Variants in CDH23 observed in about 807,000 individuals in gnomAD.
The protein encoded by CDH23 is cadherin-23.
In CDH23, 189 loss-of-function variants were observed where a neutral mutation model predicts 317.1. The observed-to-expected ratio is 0.60, with a 90% CI of 0.53 to 0.67. The LOEUF (loss-of-function observed/expected upper bound fraction) is 0.67, where lower values mean the gene tolerates loss of function less well. Among genes scored for constraint, CDH23 ranks in the 30% least tolerant of loss-of-function variants. CDH23 has a pLI of 0.00. For missense variants in CDH23, 4,401 were observed against 4,592.4 expected (o/e 0.96, Z 1.20); for synonymous variants, 1,839 against 1,876.8 (o/e 0.98, Z 0.52).
At chr10:71,718,406 C>A (rs564130754) in intron 28 of CDH23, among the ~76,000 whole-genome samples, 3 of 149,702 alleles carry the variant, frequency 2.0e-5, no homozygotes, top group South Asian at 2.2e-4. Context: ...CAGAAAACGA[C>A]CCCTCCCAGT....
chr10:71,811,477 A>G, intron 63 of CDH23, 34 bp from the exon 64 acceptor site: 1 of 1,613,698 alleles, frequency 6.2e-7, no homozygotes, highest in Non-Finnish European at 8.5e-7. Flanking sequence ...CGCCCTCCCC[A>G]CTGCCCGGGC....
At chr10:71,711,104 G>A (rs1373375828) in intron 27 of CDH23, among the ~76,000 whole-genome samples, 2 of 151,972 alleles carry the variant, frequency 1.3e-5, no homozygotes, top group Non-Finnish European at 2.9e-5. Flanking sequence ...AGATGCCTCT[G>A]CCCTCTGCCC....
intron 9 of CDH23, among the ~76,000 whole-genome samples, chr10:71,610,524 A>G (rs981525894): frequency 6.6e-6 from 1 of 152,236 alleles, no homozygotes; most frequent in Admixed American, 6.5e-5. Context: ...TAGGCAAGTT[A>G]TTGAGCATCT....
At chr10:71,760,939 A>G in intron 38 of CDH23, 1 of 1,613,632 alleles carries the variant, frequency 6.2e-7, no homozygotes. Flanking sequence ...GGGAACAAAC[A>G]GAAGGGCCAT....
intron 14 of CDH23, among the ~76,000 whole-genome samples, chr10:71,654,621 A>G (rs1863334652): frequency 6.6e-6 from 1 of 152,196 alleles, no homozygotes; most frequent in African/African-American, 2.4e-5. Context: ...GTCTGGAAAC[A>G]GAGGGCCCGG....
Position 71,787,507 on chromosome 10 carries a change from TAATA to T in CDH23, c.5821-1427_5821-1424del, listed in dbSNP as rs540900233. On this transcript the variant is annotated intron_variant, in intron 44 of 69. Coordinates refer to ENST00000224721, the MANE Select transcript of CDH23 (RefSeq NM_022124.6). ...CTCACTGAACAGTGAACATTGTACC[TAATA>T]AATAATTTTTCAACCCTCACCCTCT... Among the ~76,000 whole-genome samples, 16 of 151,624 alleles carry T rather than the reference TAATA, an allele frequency of 1.1e-4. No homozygotes were observed. The East Asian group carries it at 2.7e-3, about 26-fold the overall frequency.
chr10:71,806,036 C>A, intron 56 of CDH23, 39 bp downstream of exon 56: 3 of 642,670 alleles, frequency 4.7e-6, no homozygotes, highest in Non-Finnish European at 7.3e-6. Flanking sequence ...GGGTCTGGGG[C>A]GGGGCTTTCT....
chr10:71,689,038 GTGGTGGAGCCAGGGA>G (rs1564733886), intron 19 of CDH23, among the ~76,000 whole-genome samples: 14 of 66,470 alleles, frequency 2.1e-4, no homozygotes, highest in East Asian at 5.2e-4. Context: ...GGAGTCAGGG[GTGGTGGAGCCAGGGA>G]TGGTGGAGCC....
intron 45 of CDH23, 63 bp downstream of exon 45, chr10:71,789,105 C>A: frequency 1.2e-6 from 1 of 822,526 alleles, no homozygotes; most frequent in Non-Finnish European, 2.1e-6. Context: ...CCTGGGATGC[C>A]TGAGGACCTC....
intron 38 of CDH23, among the ~76,000 whole-genome samples, chr10:71,756,182 G>A (rs1394824085): frequency 2.6e-5 from 4 of 152,102 alleles, no homozygotes; most frequent in Non-Finnish European, 5.9e-5. Context: ...AAAAATATTC[G>A]AATCTCCTCC....
intron 1 of CDH23, among the ~76,000 whole-genome samples, chr10:71,403,314 T>TCTTCCTTCCTTCCTTCCTTCCTTC (rs201087939): frequency 4.9e-5 from 5 of 102,772 alleles, no homozygotes; most frequent in African/African-American, 3.6e-4. Flanking sequence ...TCTTTCTCTT[T>TCTTCCTTCCTTCCTTCCTTCCTTC]CTTCCTTCCT....
intron 11 of CDH23, among the ~76,000 whole-genome samples, chr10:71,618,964 C>T (rs1861333618): frequency 6.6e-6 from 1 of 152,200 alleles, no homozygotes; most frequent in African/African-American, 2.4e-5. Context: ...TATATTTAGC[C>T]TCTTGGGGAG....
intron 3 of CDH23, among the ~76,000 whole-genome samples, chr10:71,480,770 C>T (rs10999846): frequency 0.41 from 62,362 of 151,352 alleles, 13,134 homozygotes; most frequent in East Asian, 0.53. Flanking sequence ...TGGATGGGGG[C>T]GGCTGTGTGG....
At chr10:71,522,292 C>T (rs1854741604) in intron 6 of CDH23, among the ~76,000 whole-genome samples, 1 of 152,188 alleles carries the variant, frequency 6.6e-6, no homozygotes, top group Non-Finnish European at 1.5e-5. Context: ...CTAGAGATCC[C>T]ACTGTGCCCC....
chr10:71,540,321 T>C (rs1255759753), intron 6 of CDH23, among the ~76,000 whole-genome samples: 1 of 152,178 alleles, frequency 6.6e-6, no homozygotes, highest in Non-Finnish European at 1.5e-5. Context: ...CACTAGGCAA[T>C]TTCAGCTTGA....
intron 35 of CDH23, 106 bp downstream of exon 35, chr10:71,738,753 TTCTTCCGG>T (rs1407466280): frequency 7.3e-7 from 1 of 1,360,640 alleles, no homozygotes; most frequent in Non-Finnish European, 1.0e-6. Flanking sequence ...AAGCACCAGG[TTCTTCCGG>T]TCTCTGCCCC....
chr10:71,771,265 C>A (rs951946608), intron 38 of CDH23, among the ~76,000 whole-genome samples: 3 of 152,184 alleles, frequency 2.0e-5, no homozygotes, highest in African/African-American at 7.2e-5. Flanking sequence ...CTGAGTCAGG[C>A]CCAGGAAAGG....
chr10:71,715,274 G>C (rs1276505679), intron 28 of CDH23: 1 of 152,260 alleles, frequency 6.6e-6, no homozygotes, highest in Non-Finnish European at 1.5e-5. Context: ...CAACGTGGGT[G>C]CCCTGAAGAG....
intron 11 of CDH23, among the ~76,000 whole-genome samples, chr10:71,630,093 C>T (rs1482609474): frequency 3.9e-5 from 6 of 152,132 alleles, no homozygotes. Context: ...GTAATTATAA[C>T]TCACTGCAGC....
Sources: allele counts gnomAD v4.1 joint callset (sites outside exome capture counted in the v4.1 genomes callset), GRCh38; gene constraint gnomAD v4.1.1; transcripts MANE v1.5; gene names NCBI Gene and HGNC (gene_info 2026-07-23, HGNC 2026-07-21).